The following RIMBP2 variants were observed in gnomAD, a reference collection of about 807,000 sequenced individuals.
RIMBP2 encodes the protein RIMS binding protein 2.
A neutral mutation model predicts 118.6 loss-of-function variants in RIMBP2; 48 were observed. That is an observed-to-expected ratio of 0.40 (90% CI 0.32 to 0.51). The LOEUF is 0.51. Among genes scored for constraint, RIMBP2 ranks in the 20% least tolerant of loss-of-function variants. The probability of loss-of-function intolerance (pLI) is 0.41; values close to 1 mark genes in which losing one functional copy is unlikely to be tolerated. For missense variants in RIMBP2, 1,551 were observed against 1,768.3 expected (o/e 0.88, Z 2.20); for synonymous variants, 762 against 742.9 (o/e 1.03, Z -0.42).
intron 21 of RIMBP2, among the ~76,000 whole-genome samples, chr12:130,405,562 C>A (rs1020832266): frequency 1.3e-5 from 2 of 152,182 alleles, no homozygotes; most frequent in Non-Finnish European, 2.9e-5. Flanking sequence ...CTGAGATAAC[C>A]CCACCCCATT....
At chr12:130,439,423 ATATGTGTATGTGGG>A (rs888143081) in intron 11 of RIMBP2, among the ~76,000 whole-genome samples, 56 of 139,790 alleles carry the variant, frequency 4.0e-4, no homozygotes, top group African/African-American at 1.4e-3. Flanking sequence ...GTATATGGGT[ATATGTGTATGTGGG>A]TGTGTGGGTG....
At chr12:130,713,877 A>T (rs1461596823) in intron 1 of RIMBP2, among the ~76,000 whole-genome samples, 2 of 152,190 alleles carry the variant, frequency 1.3e-5, no homozygotes, top group Non-Finnish European at 2.9e-5. Context: ...AGAGCTGGCA[A>T]CATGCCCCAG....
intron 2 of RIMBP2, among the ~76,000 whole-genome samples, chr12:130,562,400 A>G (rs1414708619): frequency 2.6e-5 from 4 of 152,210 alleles, no homozygotes; most frequent in Non-Finnish European, 5.9e-5. Flanking sequence ...GAATGACTTG[A>G]TCCAGGGACC....
At chr12:130,411,374 A>G (rs1318963446) in intron 19 of RIMBP2, among the ~76,000 whole-genome samples, 1 of 151,864 alleles carries the variant, frequency 6.6e-6, no homozygotes, top group Non-Finnish European at 1.5e-5. Flanking sequence ...CCTGGTTATG[A>G]CCTCCAGTAT....
chr12:130,531,140 C>A (rs540722316), intron 2 of RIMBP2, among the ~76,000 whole-genome samples: 2 of 152,208 alleles, frequency 1.3e-5, no homozygotes, highest in African/African-American at 2.4e-5. Flanking sequence ...AGAAATCAGA[C>A]AAAATTCCTT....
chr12:130,610,858 C>T (rs2060498480), intron 2 of RIMBP2, among the ~76,000 whole-genome samples: 3 of 152,200 alleles, frequency 2.0e-5, no homozygotes, highest in African/African-American at 7.2e-5. Context: ...CCGCGCCCGG[C>T]CATTTTCCTG....
chr12:130,626,816 C>T (rs1056575027), intron 2 of RIMBP2, among the ~76,000 whole-genome samples: 2 of 151,154 alleles, frequency 1.3e-5, no homozygotes, highest in Non-Finnish European at 2.9e-5. Flanking sequence ...CGACTACCAC[C>T]AGCATCACCA....
chr12:130,570,307 G>T (rs1318225516), intron 2 of RIMBP2, among the ~76,000 whole-genome samples: 1 of 152,044 alleles, frequency 6.6e-6, no homozygotes, highest in Non-Finnish European at 1.5e-5. Flanking sequence ...GCACCCGAAG[G>T]CCCAGCTAGT....
At chr12:130,473,419 GAGC>G (rs1279988998) in intron 5 of RIMBP2, among the ~76,000 whole-genome samples, 1 of 152,218 alleles carries the variant, frequency 6.6e-6, no homozygotes. Context: ...CCTGCGGCAG[GAGC>G]AGCAGCAGCA....
In RIMBP2 at chr12:130,438,267, AAGAGC is replaced by A; in HGVS notation, c.1656+93_1656+97del. On this transcript the variant is annotated intron_variant, in intron 12 of 22. Transcript: ENST00000690449. ...GGGTGCCTCCAGTGATCAGGGCTGG[AAGAGC>A]AGACCCTGCCTCCTCCACTGAGCAA... The A allele has an allele frequency of 2.1e-6, 3 of 1,400,798 alleles. No individual in the cohort carries two copies. The South Asian group carries it at 3.9e-5, about 18-fold the overall frequency. The allele number at this position is 1,400,798 out of a possible 1,614,324, so 86.8% of individuals were successfully genotyped here.
In RIMBP2 at chr12:130,590,875, G is replaced by A. The variant is rs115426138; in HGVS notation, c.-217+37447C>T. Among the ~76,000 whole-genome samples the A allele has an allele frequency of 8.5e-3, 1,297 of 152,312 alleles. 19 individuals carry two copies. Among genetic ancestry groups the A allele is most frequent in the African/African-American group, 0.03 (1,241 of 41,566 alleles). On this transcript the variant is annotated intron_variant, in intron 2 of 22. Coordinates refer to ENST00000690449, the MANE Select transcript of RIMBP2 (RefSeq NM_001393629.1). ...TGTCACCCGGATGGCTGGCTGGCTG[G>A]CTGGCTAGGTGCAAGTTGCACACGA...
chr12:130,537,584 T>TTAA (rs761135989), intron 2 of RIMBP2, among the ~76,000 whole-genome samples: 1 of 152,124 alleles, frequency 6.6e-6, no homozygotes, highest in Non-Finnish European at 1.5e-5. Flanking sequence ...ATCGGGAAGG[T>TTAA]TAAAATAACC....
intron 19 of RIMBP2, among the ~76,000 whole-genome samples, chr12:130,409,300 A>C (rs57236696): frequency 0.026 from 3,723 of 142,266 alleles, 184 homozygotes; most frequent in African/African-American, 0.091. Context: ...CCTTTCCAGA[A>C]TGTCACTAAA....
rs1049906457 is a variant in RIMBP2, at chr12:130,677,627, C to CA, written c.-352+38594dup. ...TGGGAGACAGAGCGGAACACTGTCT[C>CA]AAAAAAAACAAACAAAAAAAAGATT... On this transcript the variant is annotated intron_variant, in intron 1 of 22. Transcript: ENST00000690449. Among the ~76,000 whole-genome samples, 702 of 151,384 alleles carry CA rather than the reference C, an allele frequency of 4.6e-3. 7 individuals carry two copies. The highest frequency in any genetic ancestry group is 0.016 in the African/African-American group (660 of 41,204).
At chr12:130,611,695 C>T (rs147500532) in intron 2 of RIMBP2, among the ~76,000 whole-genome samples, 54 of 152,246 alleles carry the variant, frequency 3.5e-4, no homozygotes, top group African/African-American at 1.2e-3. Flanking sequence ...TGTCCCGCCC[C>T]GGCACACACA....
At chr12:130,480,585 C>T in intron 4 of RIMBP2, among the ~76,000 whole-genome samples, 1 of 152,118 alleles carries the variant, frequency 6.6e-6, no homozygotes, top group Non-Finnish European at 1.5e-5. Context: ...TGATTTTTAG[C>T]CTTTTACTCA....
At chr12:130,571,128 C>T (rs549348488) in intron 2 of RIMBP2, among the ~76,000 whole-genome samples, 31 of 146,734 alleles carry the variant, frequency 2.1e-4, no homozygotes, top group African/African-American at 6.8e-4. Flanking sequence ...GGCTGAGTTC[C>T]GGAAGGAGGA....
chr12:130,471,596 G>A (rs778307302), intron 5 of RIMBP2, among the ~76,000 whole-genome samples: 5 of 152,136 alleles, frequency 3.3e-5, no homozygotes, highest in South Asian at 2.1e-4. Context: ...CCGTTGTCCC[G>A]TCACAGTCGC....
At chr12:130,650,443 T>C (rs2063183699) in intron 1 of RIMBP2, among the ~76,000 whole-genome samples, 1 of 152,250 alleles carries the variant, frequency 6.6e-6, no homozygotes, top group East Asian at 1.9e-4. Context: ...AAATGCAAGC[T>C]TCTCACAACA....
Sources: gnomAD v4.1 joint callset for allele counts (sites outside exome capture counted in the v4.1 genomes callset) on GRCh38, gnomAD v4.1.1 for gene constraint, MANE v1.5 for transcripts, NCBI Gene and HGNC (gene_info 2026-07-23, HGNC 2026-07-21) for gene names.